Variants in ATP11C observed in about 807,000 individuals in gnomAD.
ATP11C encodes the protein phospholipid-transporting ATPase IG.
ATP11C carries 36 observed loss-of-function variants against 97.4 expected under a neutral mutation model. That is an observed-to-expected ratio of 0.37 (90% CI 0.28 to 0.49). The LOEUF is 0.49. Among genes scored for constraint, ATP11C ranks in the 20% least tolerant of loss-of-function variants. The pLI is 0.98. For missense variants in ATP11C, 730 were observed against 824.6 expected, an observed-to-expected ratio of 0.89 and a Z score of 1.40; for synonymous variants, 275 against 290.9, an observed-to-expected ratio of 0.95 and a Z score of 0.56.
At chrX:139,791,059 A>G (rs2082681335) in intron 12 of ATP11C, among the ~76,000 whole-genome samples, 1 of 111,707 alleles carries the variant, frequency 9.0e-6, no homozygotes, top group Non-Finnish European at 1.9e-5. Flanking sequence ...GGTTTTTATT[A>G]TGTAAGGGAG....
At position 139,728,092 on chromosome X, in the gene ATP11C, T is replaced by C. The variant is rs764911312; in HGVS notation, c.*874A>G. Reference sequence around the variant, plus strand: ...AAAGGCTGATATTCAGAATGACCTTTATTTTTATATAACTATGGTTTAAAC... The same window carrying C: ...AAAGGCTGATATTCAGAATGACCTTCATTTTTATATAACTATGGTTTAAAC... On this transcript the variant is annotated 3_prime_UTR_variant, in exon 30 of 30. Coordinates refer to ENST00000682941, the MANE Select transcript of ATP11C (RefSeq NM_001353812.2). 8.9e-6 allele frequency: 1 copy of C among 112,395 alleles called. No homozygotes were observed. The highest frequency in any genetic ancestry group is 2.8e-4 in the East Asian group (1 of 3,588). The allele number at this position is 112,395 out of a possible 1,213,427, so 9.3% of individuals were successfully genotyped here. A position where few individuals can be genotyped will look rare whatever the true frequency, so the allele number is the denominator to read the frequency against.
intron 18 of ATP11C, among the ~76,000 whole-genome samples, chrX:139,777,542 T>G (rs1032954734): frequency 4.5e-5 from 5 of 110,792 alleles, no homozygotes; most frequent in African/African-American, 1.6e-4. Flanking sequence ...ACAAAATCTG[T>G]AACTTCTTGG....
chrX:139,816,664 C>T (rs1024934833), intron 4 of ATP11C, among the ~76,000 whole-genome samples, 199 bp downstream of exon 4: 53 of 111,992 alleles, frequency 4.7e-4, no homozygotes, highest in African/African-American at 1.7e-3. Flanking sequence ...CACCCACATA[C>T]ACAGATATTT....
At chrX:139,931,987 A>C (rs1314667361) in intron 1 of ATP11C, 29 bp downstream of exon 1, 1 of 1,154,685 alleles carries the variant, frequency 8.7e-7, no homozygotes. Context: ...GCAAACCGGC[A>C]CGCGCGGAGC....
rs1209546813 is a variant in ATP11C at position 139,932,643 on chromosome X, C to CGCCGT, written c.-606_-602dup. On this transcript the variant is annotated 5_prime_UTR_variant, in exon 1 of 30. Coordinates refer to ENST00000682941, the MANE Select transcript of ATP11C (RefSeq NM_001353812.2). ...TCCCTCGCCCCGGCCCTAACTCGTC[C>CGCCGT]GCCGTGCCGCGCCGCGCCGTTTCGC... The CGCCGT allele has an allele frequency of 1.8e-5, 2 of 112,496 alleles. No individual in the cohort carries two copies. Among genetic ancestry groups the CGCCGT allele is most frequent in the Non-Finnish European group, 3.7e-5 (2 of 53,522 alleles). 9.3% of individuals were successfully genotyped at this position (112,496 alleles called of 1,213,427 possible).
chrX:139,936,480 A>G (rs1164518135), upstream of ATP11C, among the ~76,000 whole-genome samples: 1 of 111,416 alleles, frequency 9.0e-6, no homozygotes, highest in Non-Finnish European at 1.9e-5. Flanking sequence ...CTGAAACATA[A>G]CACCACCTCT....
intron 1 of ATP11C, among the ~76,000 whole-genome samples, chrX:139,906,433 A>AG (rs1460790472): frequency 9.4e-6 from 1 of 106,747 alleles, no homozygotes; most frequent in Non-Finnish European, 1.9e-5. Context: ...AAACGAAAAA[A>AG]AAAAAGTCAA....
In ATP11C at chrX:139,800,698, G is replaced by A. The variant is rs553841584; in HGVS notation, c.660-588C>T. Among the ~76,000 whole-genome samples the A allele has an allele frequency of 1.6e-4, 18 of 111,699 alleles. No individual in the cohort carries two copies. The South Asian group carries it at 6.8e-3, about 42-fold the overall frequency. Reference sequence around the variant, plus strand: ...GCCATCTTGGAAATGTCCAGCCTGTGACTTGTAGTTGATCTCAATACTGAG... The same window carrying A: ...GCCATCTTGGAAATGTCCAGCCTGTAACTTGTAGTTGATCTCAATACTGAG... On this transcript the variant is annotated intron_variant, in intron 7 of 29. Transcript: ENST00000682941.
In ATP11C at chrX:139,814,946, CTTCA is replaced by C. The variant is rs2083255037; in HGVS notation, c.354_357del (p.Asn118LysfsTer16). On this transcript the variant is annotated frameshift_variant, in exon 5 of 30. Transcript: ENST00000682941. LOFTEE classifies it high-confidence loss of function. ...ATAATGTAAACAGTGCTTTTGTTGACTTCATTGTCAGCTCTGTGTCTCAGACAAT... is the reference window on the plus strand; with the variant it reads ...ATAATGTAAACAGTGCTTTTGTTGACTTGTCAGCTCTGTGTCTCAGACAAT... 1.7e-6 allele frequency: 2 copies of C among 1,177,392 alleles called. No individual in the cohort carries two copies. Among genetic ancestry groups the C allele is most frequent in the Admixed American group, 2.4e-5 (1 of 40,969 alleles).
rs776808342 is a variant in ATP11C, at chrX:139,809,086, C to G, written c.427-4487G>C. On this transcript the variant is annotated intron_variant, in intron 5 of 29. Coordinates refer to ENST00000682941, the MANE Select transcript of ATP11C (RefSeq NM_001353812.2). ...CGAGATCGTGCCACTGTACTCCAGCCTGGGTGACAGAGTGAGACTCTTGTC... is the reference window on the plus strand; with the variant it reads ...CGAGATCGTGCCACTGTACTCCAGCGTGGGTGACAGAGTGAGACTCTTGTC... Among the ~76,000 whole-genome samples the G allele has an allele frequency of 1.0e-4, 11 of 108,520 alleles. No homozygotes were observed. In the East Asian group the frequency reaches 3.2e-3, roughly 31 times the overall value. 94.2% of individuals were successfully genotyped at this position (108,520 alleles called of 115,157 possible).
At chrX:139,847,680 A>G (rs1419710238) in intron 1 of ATP11C, among the ~76,000 whole-genome samples, 2 of 107,483 alleles carry the variant, frequency 1.9e-5, no homozygotes, top group Non-Finnish European at 3.9e-5. Flanking sequence ...TCTAGATTGG[A>G]AATCAGAGCA....
intron 24 of ATP11C, among the ~76,000 whole-genome samples, chrX:139,748,658 C>T (rs2081743760): frequency 1.8e-5 from 2 of 111,327 alleles, no homozygotes; most frequent in African/African-American, 6.5e-5. Context: ...AATGATTCTC[C>T]TCTACATCTA....
intron 1 of ATP11C, among the ~76,000 whole-genome samples, chrX:139,857,070 C>T (rs1413197547): frequency 6.3e-5 from 7 of 111,601 alleles, no homozygotes; most frequent in African/African-American, 2.3e-4. Context: ...GTTCGGTAAA[C>T]GGAAAGAAAT....
intron 13 of ATP11C, 125 bp downstream of exon 13, chrX:139,789,202 C>CAAA: frequency 4.8e-5 from 20 of 417,509 alleles, no homozygotes; most frequent in Non-Finnish European, 5.4e-5. Context: ...GACTCCATCT[C>CAAA]AAAAAAAAAA....
At chrX:139,769,155 A>T (rs2082197183) in intron 19 of ATP11C, among the ~76,000 whole-genome samples, 1 of 103,853 alleles carries the variant, frequency 9.6e-6, no homozygotes, top group African/African-American at 3.5e-5. Flanking sequence ...CTGACTCTGT[A>T]TAAGAAACGT....
At chrX:139,876,859 A>T (rs779242558) in intron 1 of ATP11C, among the ~76,000 whole-genome samples, 2 of 112,595 alleles carry the variant, frequency 1.8e-5, no homozygotes, top group Admixed American at 9.4e-5. Flanking sequence ...AAACTGACTT[A>T]AAAAACCAAA....
rs893392083 is a variant in ATP11C, at chrX:139,767,308, C to T, written c.2391+952G>A. On this transcript the variant is annotated intron_variant, in intron 20 of 29. Coordinates refer to ENST00000682941, the MANE Select transcript of ATP11C (RefSeq NM_001353812.2). The stretch of plus-strand genomic sequence containing the variant: ...GTGTGTAAAGTCATAAAGGCTTGGA[C>T]TAGTTGGGCAGTAAAAGGTTTTGAA... 3.6e-5 allele frequency among the ~76,000 whole-genome samples: 4 copies of T among 111,302 alleles called. 1 individual carries two copies. In the Middle Eastern group the frequency reaches 0.014, roughly 385 times the overall value.
In ATP11C at chrX:139,932,166, C is replaced by A. The variant is rs1250733161; in HGVS notation, c.-124G>T. The A allele has an allele frequency of 1.5e-5, 9 of 601,349 alleles. No homozygotes were observed. In the African/African-American group the frequency reaches 2.0e-4, roughly 13 times the overall value. The allele number at this position is 601,349 out of a possible 1,213,427, so 49.6% of individuals were successfully genotyped here. ...CGGAGCAGCGAGGCGGGCGGCCGGG[C>A]CACCCGCTCGCCGCCTGCCCCCCTC... On this transcript the variant is annotated 5_prime_UTR_variant, in exon 1 of 30. Transcript: ENST00000682941.
intron 18 of ATP11C, 117 bp downstream of exon 18, chrX:139,782,430 G>C (rs913756645): frequency 2.3e-6 from 1 of 431,548 alleles, no homozygotes; most frequent in Non-Finnish European, 3.7e-6. Context: ...AAATCTTTAA[G>C]TCCACTTAAA....
Sources: gnomAD v4.1 joint callset for allele counts (sites outside exome capture counted in the v4.1 genomes callset) on GRCh38, gnomAD v4.1.1 for gene constraint, MANE v1.5 for transcripts, NCBI Gene and HGNC (gene_info 2026-07-23, HGNC 2026-07-21) for gene names.